The following DPP6 variants were observed in gnomAD, a reference collection of about 807,000 sequenced individuals.
DPP6 encodes the protein dipeptidyl peptidase like 6.
In DPP6, 69 loss-of-function variants were observed where a neutral mutation model predicts 122.6. The ratio of observed to expected loss-of-function variants is 0.56; its 90% CI spans 0.46 to 0.69. The LOEUF is 0.69. DPP6 is among the 30% of genes least tolerant of loss of function. The pLI is 0.00. For missense variants in DPP6, 928 were observed against 1,116.9 expected (o/e 0.83, Z 2.41); for synonymous variants, 418 against 433.1 (o/e 0.97, Z 0.43).
chr7:154,349,540 A>G (rs765121217), intron 1 of DPP6, among the ~76,000 whole-genome samples: 30 of 152,336 alleles, frequency 2.0e-4, no homozygotes, highest in Non-Finnish European at 3.8e-4. Context: ...TACTTGACCC[A>G]AGGACACAAT....
intron 5 of DPP6, chr7:154,588,044 G>A (rs780616115): frequency 6.2e-7 from 1 of 1,609,364 alleles, no homozygotes; most frequent in Non-Finnish European, 8.5e-7. Context: ...ATAATGCACA[G>A]CAGCTACAGG....
At chr7:154,389,585 G>A (rs562252344) in intron 1 of DPP6, among the ~76,000 whole-genome samples, 187 of 152,170 alleles carry the variant, frequency 1.2e-3, no homozygotes, top group African/African-American at 4.1e-3. Context: ...TAATATATTC[G>A]ATAGCATTTT....
chr7:154,543,774 A>G (rs1043556922), intron 4 of DPP6, among the ~76,000 whole-genome samples: 2 of 152,076 alleles, frequency 1.3e-5, no homozygotes, highest in African/African-American at 4.8e-5. Flanking sequence ...CGGGTGGATC[A>G]CTTGAAGTCA....
chr7:153,808,295 GTGTC>G, the DPP6 span, among the ~76,000 whole-genome samples: 30 of 149,060 alleles, frequency 2.0e-4, no homozygotes, highest in African/African-American at 6.5e-4. Context: ...GCCTGTGTGT[GTGTC>G]TGCGCACATG....
At chr7:154,315,727 C>T (rs1029135566) in intron 1 of DPP6, among the ~76,000 whole-genome samples, 2 of 152,034 alleles carry the variant, frequency 1.3e-5, no homozygotes, top group East Asian at 1.9e-4. Flanking sequence ...GGTAATGGAC[C>T]GTGATCCATG....
At chr7:154,707,285 C>T (rs1422946025) in intron 7 of DPP6, among the ~76,000 whole-genome samples, 3 of 152,182 alleles carry the variant, frequency 2.0e-5, no homozygotes, top group African/African-American at 7.2e-5. Flanking sequence ...TGCTTTCATC[C>T]TCCCCACAGC....
intron 1 of DPP6, among the ~76,000 whole-genome samples, chr7:154,227,174 C>G (rs1340558838): frequency 8.5e-6 from 1 of 118,154 alleles, no homozygotes; most frequent in Non-Finnish European, 1.8e-5. Flanking sequence ...TGGAGACCAC[C>G]TAAAAGTCCA....
In DPP6 at chr7:154,892,625, A is replaced by T; in HGVS notation, c.*145A>T. 1 of 1,497,954 alleles carries T rather than the reference A, an allele frequency of 6.7e-7. No individual in the cohort carries two copies. Among genetic ancestry groups the T allele is most frequent in the Non-Finnish European group, 9.0e-7 (1 of 1,112,576 alleles). 92.8% of individuals were successfully genotyped at this position (1,497,954 alleles called of 1,614,324 possible). ...CATGTGTGTCTCGGATGCGGAAGGC[A>T]GTTTTGCTTGGGAAACAAGCTCCTT... On this transcript the variant is annotated 3_prime_UTR_variant, in exon 26 of 26. Coordinates refer to ENST00000377770, the MANE Select transcript of DPP6 (RefSeq NM_130797.4).
intron 1 of DPP6, among the ~76,000 whole-genome samples, chr7:154,104,661 A>C (rs2150574827): frequency 6.6e-6 from 1 of 152,350 alleles, no homozygotes; most frequent in South Asian, 2.1e-4. Flanking sequence ...GCAGCTGTTA[A>C]CCTGTGCATA....
chr7:153,869,991 T>C, the DPP6 span, among the ~76,000 whole-genome samples: 1 of 152,234 alleles, frequency 6.6e-6, no homozygotes, highest in Non-Finnish European at 1.5e-5. Context: ...TATTCTCTTC[T>C]GGCTTGTAGA....
At position 154,687,832 on chromosome 7, in the gene DPP6, C is replaced by T. The variant is rs192564213; in HGVS notation, c.762+18391C>T. Among the ~76,000 whole-genome samples the T allele has an allele frequency of 1.4e-3, 208 of 152,266 alleles. 1 individual carries two copies. The highest frequency in any genetic ancestry group is 4.7e-3 in the African/African-American group (197 of 41,560). Reference sequence around the variant, plus strand: ...TCTTTGACAATTATGTCTTTAGTCCCCCTGAACTGGATTTTTGGGAAGGGT... The same window carrying T: ...TCTTTGACAATTATGTCTTTAGTCCTCCTGAACTGGATTTTTGGGAAGGGT... On this transcript the variant is annotated intron_variant, in intron 7 of 25. Transcript: ENST00000377770.
At chr7:154,316,385 C>T (rs1349416438) in intron 1 of DPP6, among the ~76,000 whole-genome samples, 1 of 152,136 alleles carries the variant, frequency 6.6e-6, no homozygotes, top group African/African-American at 2.4e-5. Flanking sequence ...GATAAGAAAA[C>T]CATCAGAAAT....
the DPP6 span, among the ~76,000 whole-genome samples, chr7:153,864,208 A>T: frequency 6.6e-6 from 1 of 152,208 alleles, no homozygotes; most frequent in African/African-American, 2.4e-5. Flanking sequence ...CCGGTAATGT[A>T]TGGGTTCGAA....
chr7:154,072,893 T>A (rs1449948199), intron 1 of DPP6, among the ~76,000 whole-genome samples: 2 of 152,264 alleles, frequency 1.3e-5, no homozygotes, highest in Admixed American at 6.5e-5. Flanking sequence ...TGATGGCTCT[T>A]CCCACGGGTA....
At chr7:154,747,919 G>T (rs1159681393) in intron 8 of DPP6, among the ~76,000 whole-genome samples, 1 of 152,154 alleles carries the variant, frequency 6.6e-6, no homozygotes, top group African/African-American at 2.4e-5. Context: ...GAGTGCTGTG[G>T]GTCCAGGCAG....
Position 154,872,650 on chromosome 7 carries a change from G to A in DPP6, c.1840G>A (p.Ala614Thr). The change falls in exon 19 of 26, where the codon GCA becomes ACA. Residue 614 changes from alanine (A) to threonine (T), a missense_variant. By Grantham distance (58) the Ala-to-Thr change is moderately conservative. Transcript: ENST00000377770. ...YNLPMQILKP[A>T]TFTDTTHYPL... ...CCTGCCCATGCAGATACTGAAGCCA[G>A]CAACCTTCACCGACACCACCCACTA... 6.2e-7 allele frequency: 1 copy of A among 1,602,558 alleles called. No individual in the cohort carries two copies. Among genetic ancestry groups the A allele is most frequent in the South Asian group, 1.1e-5 (1 of 88,246 alleles).
At chr7:154,795,392 C>A (rs1797982099) in intron 11 of DPP6, among the ~76,000 whole-genome samples, 1 of 152,170 alleles carries the variant, frequency 6.6e-6, no homozygotes, top group Non-Finnish European at 1.5e-5. Flanking sequence ...TATGCTTTAG[C>A]CCCTTTGAAA....
At chr7:153,935,254 G>A (rs1801378075) in intron 1 of DPP6, among the ~76,000 whole-genome samples, 1 of 151,864 alleles carries the variant, frequency 6.6e-6, no homozygotes, top group Admixed American at 6.6e-5. Context: ...AGAAGGGGGG[G>A]GACGTGCCCG....
chr7:154,885,532 G>T, intron 21 of DPP6, 101 bp from the exon 22 acceptor site: 1 of 1,450,336 alleles, frequency 6.9e-7, no homozygotes, highest in Non-Finnish European at 9.2e-7. Flanking sequence ...GAGAGAACCT[G>T]CATGGAACTG....
Sources: allele counts gnomAD v4.1 joint callset (sites outside exome capture counted in the v4.1 genomes callset), GRCh38; gene constraint gnomAD v4.1.1; transcripts MANE v1.5; gene names NCBI Gene and HGNC (gene_info 2026-07-23, HGNC 2026-07-21).